The following COL27A1 variants were observed in gnomAD, a reference collection of about 807,000 sequenced individuals.
The protein encoded by COL27A1 is collagen alpha-1(XXVII) chain.
A neutral mutation model predicts 251.3 loss-of-function variants in COL27A1; 106 were observed. The observed-to-expected ratio is 0.42, with a 90% CI of 0.36 to 0.50. COL27A1 has a LOEUF of 0.50. COL27A1 is among the 20% of genes least tolerant of loss of function. The pLI, the probability that COL27A1 is intolerant of heterozygous loss-of-function variation, is 0.00. For synonymous variants in COL27A1, 1,000 were observed against 986.3 expected, an observed-to-expected ratio of 1.01 and a Z score of -0.26; for missense variants, 2,325 against 2,522.8, an observed-to-expected ratio of 0.92 and a Z score of 1.68.
intron 7 of COL27A1, among the ~76,000 whole-genome samples, chr9:114,202,634 C>T (rs866557633): frequency 3.3e-5 from 5 of 152,160 alleles, no homozygotes; most frequent in East Asian, 1.9e-4. Flanking sequence ...CTCCAACCAC[C>T]GCCATCCTTC....
At chr9:114,194,535 G>C in intron 6 of COL27A1, 78 bp downstream of exon 6, 1 of 1,282,522 alleles carries the variant, frequency 7.8e-7, no homozygotes, top group Non-Finnish European at 1.1e-6. Flanking sequence ...AAAGCTAGCT[G>C]TCCTGCCAGA....
Position 114,168,379 on chromosome 9 carries a change from C to T in COL27A1, c.824C>T (p.Ala275Val). Residue 275 changes from alanine to valine, a missense_variant, in exon 3 of 61, where the codon GCC becomes GTC. Around this residue, in one of 4 missense-constraint regions of COL27A1, gnomAD observed 1,183 missense variants for 1,144.1 expected, o/e 1.03. Transcript: ENST00000356083. ...ALLGLENLTTATPALGSLPAG... is the reference protein window; with the variant it reads ...ALLGLENLTTVTPALGSLPAG... Reference sequence around the variant, plus strand: ...CTAGGCCTGGAGAACTTGACCACTGCCACACCAGCCCTGGGGTCACTGCCA... The same window carrying T: ...CTAGGCCTGGAGAACTTGACCACTGTCACACCAGCCCTGGGGTCACTGCCA... 1 of 1,613,526 alleles carries T rather than the reference C, an allele frequency of 6.2e-7. No homozygotes were observed. Among genetic ancestry groups the T allele is most frequent in the Non-Finnish European group, 8.5e-7 (1 of 1,180,014 alleles).
intron 5 of COL27A1, among the ~76,000 whole-genome samples, chr9:114,186,523 G>A (rs75392942): frequency 1.9e-4 from 29 of 152,290 alleles, no homozygotes; most frequent in Admixed American, 5.9e-4. Flanking sequence ...CGGAGTGCTC[G>A]GAGACCCCAC....
At chr9:114,219,170 A>G (rs1830915648) in intron 12 of COL27A1, among the ~76,000 whole-genome samples, 1 of 152,142 alleles carries the variant, frequency 6.6e-6, no homozygotes, top group South Asian at 2.1e-4. Flanking sequence ...GAGTGGGGTC[A>G]GGGATGGGGC....
chr9:114,216,331 G>A lies in COL27A1; in HGVS notation c.2368-3460G>A, dbSNP rs571867987. Among the ~76,000 whole-genome samples, 6 of 152,374 alleles carry A rather than the reference G, an allele frequency of 3.9e-5. No individual in the cohort carries two copies. In the South Asian group the frequency reaches 1.0e-3, roughly 26 times the overall value. ...GCTGCAGCCAGGAGCTCGGGCATGT[G>A]GAGGAAGGTCCCTGCTGCTGGCCAG... is the stretch of plus-strand genomic sequence containing the variant. On this transcript the variant is annotated intron_variant, in intron 12 of 60. Transcript: ENST00000356083.
At chr9:114,252,801 G>C (rs1807857373) in intron 26 of COL27A1, 78 bp from the exon 27 acceptor site, 1 of 1,498,530 alleles carries the variant, frequency 6.7e-7, no homozygotes. Context: ...CTTTGCACTG[G>C]GGCTGAGCCG....
chr9:114,249,270 C>T (rs979004025), intron 24 of COL27A1, among the ~76,000 whole-genome samples: 2 of 152,162 alleles, frequency 1.3e-5, no homozygotes, highest in African/African-American at 4.8e-5. Context: ...TAAGTTGTTG[C>T]AAAAATCAAG....
intron 16 of COL27A1, among the ~76,000 whole-genome samples, chr9:114,235,287 C>T (rs572826254): frequency 6.6e-6 from 1 of 152,304 alleles, no homozygotes; most frequent in South Asian, 2.1e-4. Context: ...GGATCAAACA[C>T]TTGATTTGCT....
Position 114,162,802 on chromosome 9 carries a change from T to C in COL27A1, c.133+17T>C, listed in dbSNP as rs764327380. The C allele has an allele frequency of 1.3e-4, 205 of 1,595,368 alleles. No homozygotes were observed. The Middle Eastern group carries it at 1.8e-3, about 14-fold the overall frequency. The stretch of plus-strand genomic sequence containing the variant: ...CTCCTGAAGGTAATTCTCTCTTCTC[T>C]TTGTCCAGGGGGAGACAAAGGAGAA... On this transcript the variant is annotated intron_variant, in intron 2 of 60. Transcript: ENST00000356083.
Position 114,168,428 on chromosome 9 carries a change from T to C in COL27A1, c.873T>C (p.Thr291=), listed in dbSNP as rs1248874423. ...SLPAGRGPRG[T]VAPATPTKPQ... The stretch of plus-strand genomic sequence containing the variant: ...CAGCAGGCAGGGGACCCAGGGGGAC[T>C]GTGGCACCCGCCACGCCCACCAAGC... Residue 291 remains threonine, a synonymous_variant, in exon 3 of 61, where the codon ACT becomes ACC. Coordinates refer to ENST00000356083, the MANE Select transcript of COL27A1 (RefSeq NM_032888.4). The C allele has an allele frequency of 4.3e-6, 7 of 1,613,078 alleles. No homozygotes were observed. The highest frequency in any genetic ancestry group is 1.7e-6 in the Non-Finnish European group (2 of 1,179,736).
rs1426810491 is a variant in COL27A1, at chr9:114,310,486, T to C, written c.5437-63T>C. 1.9e-6 allele frequency: 3 copies of C among 1,580,056 alleles called. No individual in the cohort carries two copies. In the East Asian group the frequency reaches 6.7e-5, roughly 35 times the overall value. On this transcript the variant is annotated intron_variant, in intron 60 of 60. Coordinates refer to ENST00000356083, the MANE Select transcript of COL27A1 (RefSeq NM_032888.4). ...TTGTGAGGAAAGATGGAAGGGAAAA[T>C]GCTCATGATGTATGATAAGAATCAC... is the stretch of plus-strand genomic sequence containing the variant.
chr9:114,255,308 T>G (rs1833846859), intron 27 of COL27A1, among the ~76,000 whole-genome samples: 1 of 151,976 alleles, frequency 6.6e-6, no homozygotes, highest in African/African-American at 2.4e-5. Context: ...TCCCTCCCAG[T>G]GGTCAGAGAT....
intron 12 of COL27A1, among the ~76,000 whole-genome samples, chr9:114,219,205 G>A (rs1192560119): frequency 2.6e-5 from 4 of 152,158 alleles, no homozygotes; most frequent in Non-Finnish European, 4.4e-5. Context: ...TGCCTGGGCC[G>A]GGCAGCTCAG....
Position 114,289,265 on chromosome 9 carries a change from G to A in COL27A1, c.4176G>A (p.Trp1392Ter). The change falls in exon 45 of 61, where the codon TGG becomes TGA. Residue 1392 changes from tryptophan (W) to a stop codon, truncating the protein, a stop_gained. Coordinates refer to ENST00000356083, the MANE Select transcript of COL27A1 (RefSeq NM_032888.4). LOFTEE classifies it high-confidence loss of function. ...AGGGGCATCCGGGACCCCGGGGGTG[G>A]CCGGGACCCAAAGGATCGAAAGGCG... ...GQPGHPGPRG[W>*]PGPKGSKGAE... The A allele has an allele frequency of 6.3e-7, 1 of 1,595,330 alleles. No individual in the cohort carries two copies. The highest frequency in any genetic ancestry group is 8.5e-7 in the Non-Finnish European group (1 of 1,172,554).
At chr9:114,214,337 A>G (rs1385151102) in intron 12 of COL27A1, among the ~76,000 whole-genome samples, 1 of 152,216 alleles carries the variant, frequency 6.6e-6, no homozygotes, top group Non-Finnish European at 1.5e-5. Flanking sequence ...GAATTCCTTC[A>G]TGCCAGATTG....
In COL27A1 at chr9:114,307,556, T is replaced by G. The variant is rs1829143245; in HGVS notation, c.5108-113T>G. 13 of 759,254 alleles carry G rather than the reference T, an allele frequency of 1.7e-5. No individual in the cohort carries two copies. The East Asian group carries it at 3.2e-4, about 19-fold the overall frequency. The allele number at this position is 759,254 out of a possible 1,614,324, so 47.0% of individuals were successfully genotyped here. A position where few individuals can be genotyped will look rare whatever the true frequency, so the allele number is the denominator to read the frequency against. On this transcript the variant is annotated intron_variant, in intron 58 of 60. Transcript: ENST00000356083. Reference sequence around the variant, plus strand: ...CCCTTTTCTGCTCACCCACCCTGACTTCATGCTCACCTGGGGCTCGGCAGG... The same window carrying G: ...CCCTTTTCTGCTCACCCACCCTGACGTCATGCTCACCTGGGGCTCGGCAGG...
rs550577041 is a variant in COL27A1 at position 114,192,206 on chromosome 9, A to G, written c.2017-2198A>G. 2.6e-5 allele frequency among the ~76,000 whole-genome samples: 4 copies of G among 152,286 alleles called. No individual in the cohort carries two copies. In the South Asian group the frequency reaches 8.3e-4, roughly 32 times the overall value. ...CTCAGTTTCCTTTTTTTGTAAGATA[A>G]CAGAATGGGATACCTGAAGGCCCAG... On this transcript the variant is annotated intron_variant, in intron 5 of 60. Transcript: ENST00000356083.
At chr9:114,283,657 C>G in intron 39 of COL27A1, 52 bp from the exon 40 acceptor site, 1 of 1,558,052 alleles carries the variant, frequency 6.4e-7, no homozygotes, top group Non-Finnish European at 8.8e-7. Context: ...ACTGCTGTGT[C>G]CCCGCTGTGA....
At chr9:114,217,980 G>T (rs1476633030) in intron 12 of COL27A1, 2 of 367,136 alleles carry the variant, frequency 5.4e-6, no homozygotes, top group Non-Finnish European at 1.1e-5. Flanking sequence ...CAGGTGTAGT[G>T]GTGTGCATCT....
Sources: gnomAD v4.1 joint callset for allele counts (sites outside exome capture counted in the v4.1 genomes callset) on GRCh38, gnomAD v4.1.1 for gene constraint, gnomAD v4.1.1 regional missense constraint, MANE v1.5 for transcripts, NCBI Gene and HGNC (gene_info 2026-07-23, HGNC 2026-07-21) for gene names.